RAD54B: variants seen among roughly 807,000 people sequenced by gnomAD.
RAD54B encodes RAD54 homolog B.
In RAD54B, 78 loss-of-function variants were observed where a neutral mutation model predicts 95.8. The observed-to-expected ratio is 0.81, with a 90% CI of 0.68 to 0.98. RAD54B has a LOEUF of 0.98. RAD54B is among the 50% of genes least tolerant of loss of function. The pLI is 0.00. For synonymous variants in RAD54B, 328 were observed against 354.9 expected (o/e 0.92, Z 0.85); for missense variants, 957 against 1,056.6 (o/e 0.91, Z 1.31).
chr8:94,415,155 G>C (rs930177317), intron 3 of RAD54B, among the ~76,000 whole-genome samples: 2 of 151,726 alleles, frequency 1.3e-5, no homozygotes, highest in African/African-American at 4.9e-5. Flanking sequence ...CATGGTACTG[G>C]TACCAAAACA....
At chr8:94,418,746 TC>T (rs796357596) in intron 3 of RAD54B, among the ~76,000 whole-genome samples, 3 of 152,342 alleles carry the variant, frequency 2.0e-5, no homozygotes, top group African/African-American at 7.2e-5. Flanking sequence ...TTTCTCCCAT[TC>T]AGCATAATGT....
At chr8:94,446,441 A>C (rs1586029719) in intron 3 of RAD54B, among the ~76,000 whole-genome samples, 1 of 152,194 alleles carries the variant, frequency 6.6e-6, no homozygotes, top group South Asian at 2.1e-4. Context: ...AGGCAAGAAA[A>C]TATATAAAGC....
chr8:94,391,540 T>C lies in RAD54B; in HGVS notation c.1809+69A>G, dbSNP rs1312012324. ...TGCAACCTCAGAAATTAGCCCTGTC[T>C]GCCCTCTTAGATTCATATACTATAG... On this transcript the variant is annotated intron_variant, in intron 10 of 14. Coordinates refer to ENST00000336148, the MANE Select transcript of RAD54B (RefSeq NM_012415.3). 2.0e-6 allele frequency: 3 copies of C among 1,467,272 alleles called. No individual in the cohort carries two copies. The East Asian group carries it at 6.9e-5, about 34-fold the overall frequency. 90.9% of individuals were successfully genotyped at this position (1,467,272 alleles called of 1,614,324 possible).
At chr8:94,460,193 A>C (rs1050854540) in intron 2 of RAD54B, among the ~76,000 whole-genome samples, 1 of 137,188 alleles carries the variant, frequency 7.3e-6, no homozygotes, top group Non-Finnish European at 1.6e-5. Flanking sequence ...AGTCATGGCC[A>C]GGCATGGTGG....
intron 2 of RAD54B, among the ~76,000 whole-genome samples, chr8:94,463,679 A>T (rs145039759): frequency 5.3e-5 from 8 of 151,410 alleles, no homozygotes; most frequent in African/African-American, 1.9e-4. Flanking sequence ...GGACTTAGAG[A>T]CCAGCCTGGG....
At chr8:94,429,258 T>C (rs552369158) in intron 3 of RAD54B, 1 of 496,826 alleles carries the variant, frequency 2.0e-6, no homozygotes, top group African/African-American at 2.1e-5. Flanking sequence ...AAAATATGAT[T>C]GTAGCAGACT....
intron 2 of RAD54B, among the ~76,000 whole-genome samples, chr8:94,464,825 T>C (rs2381886): frequency 0.31 from 47,500 of 151,844 alleles, 7,898 homozygotes; most frequent in East Asian, 0.43. Context: ...CTGTTTCTGA[T>C]GAGAGCCTCC....
intron 3 of RAD54B, among the ~76,000 whole-genome samples, chr8:94,442,114 T>C (rs546170376): frequency 6.6e-5 from 10 of 152,264 alleles, no homozygotes; most frequent in Middle Eastern, 3.4e-3. Context: ...TGGAAGTCAT[T>C]ATATTAAGTG....
Position 94,380,564 on chromosome 8 carries a change from T to C in RAD54B, c.1986-158A>G, listed in dbSNP as rs573216310. Among the ~76,000 whole-genome samples, 4 of 152,360 alleles carry C rather than the reference T, an allele frequency of 2.6e-5. No homozygotes were observed. The East Asian group carries it at 7.7e-4, about 29-fold the overall frequency. On this transcript the variant is annotated intron_variant, in intron 11 of 14. Transcript: ENST00000336148. ...AACATAGGTATTCCTGCATATTCCA[T>C]TTTAAAGTCAATATCTAAACTTCCA... is the stretch of plus-strand genomic sequence containing the variant.
At chr8:94,436,406 T>C (rs1812262614) in intron 3 of RAD54B, 1 of 1,398,172 alleles carries the variant, frequency 7.2e-7, no homozygotes, top group Non-Finnish European at 9.4e-7. Context: ...GTGGGGATGC[T>C]TACTATGCAT....
intron 9 of RAD54B, among the ~76,000 whole-genome samples, chr8:94,392,659 G>C (rs1465762008): frequency 6.7e-6 from 1 of 150,238 alleles, no homozygotes; most frequent in Non-Finnish European, 1.5e-5. Flanking sequence ...GTGCAGTGAT[G>C]TGATCTCAGC....
intron 10 of RAD54B, among the ~76,000 whole-genome samples, chr8:94,388,737 A>G (rs1810949009): frequency 1.3e-5 from 2 of 152,226 alleles, no homozygotes; most frequent in African/African-American, 2.4e-5. Flanking sequence ...AGGTGTAGTC[A>G]TTTGATTAAA....
chr8:94,432,397 T>G, intron 3 of RAD54B: 2 of 1,550,402 alleles, frequency 1.3e-6, no homozygotes, highest in Non-Finnish European at 1.7e-6. Context: ...TCATCTCTCC[T>G]TGGAATAGAA....
chr8:94,422,115 T>G (rs1248776513), intron 3 of RAD54B, among the ~76,000 whole-genome samples: 1 of 152,140 alleles, frequency 6.6e-6, no homozygotes, highest in East Asian at 1.9e-4. Flanking sequence ...CAACATTATC[T>G]CAATAATTAG....
intron 11 of RAD54B, among the ~76,000 whole-genome samples, chr8:94,383,990 A>C (rs1810806808): frequency 6.6e-6 from 1 of 152,200 alleles, no homozygotes; most frequent in Admixed American, 6.5e-5. Flanking sequence ...TTAAAAATAG[A>C]ATTACCATAT....
chr8:94,459,627 A>C (rs896637648), intron 2 of RAD54B, among the ~76,000 whole-genome samples: 1 of 151,428 alleles, frequency 6.6e-6, no homozygotes, highest in Non-Finnish European at 1.5e-5. Context: ...TGGGAGGCCA[A>C]GGCAGGTGGA....
chr8:94,393,729 A>G lies in RAD54B; in HGVS notation c.1518+14T>C. The G allele has an allele frequency of 6.5e-7, 1 of 1,543,104 alleles. No individual in the cohort carries two copies. Among genetic ancestry groups the G allele is most frequent in the African/African-American group, 1.4e-5 (1 of 72,156 alleles). On this transcript the variant is annotated intron_variant, in intron 9 of 14. Transcript: ENST00000336148. The stretch of plus-strand genomic sequence containing the variant: ...ACGGCTTTTTAAAAACCTATTTATT[A>G]GAGTAAATTATACCTCAGAAGCAGA...
chr8:94,373,992 T>C (rs866846085), intron 14 of RAD54B, among the ~76,000 whole-genome samples: 11 of 152,086 alleles, frequency 7.2e-5, no homozygotes, highest in African/African-American at 2.4e-4. Flanking sequence ...AGAAAAGAGA[T>C]GACAAGGCCG....
At chr8:94,374,266 A>C (rs948923657) in intron 14 of RAD54B, among the ~76,000 whole-genome samples, 1 of 151,370 alleles carries the variant, frequency 6.6e-6, no homozygotes, top group Admixed American at 6.6e-5. Flanking sequence ...GTGACAGAGC[A>C]AGACTCCGTC....
Sources: allele counts gnomAD v4.1 joint callset (sites outside exome capture counted in the v4.1 genomes callset), GRCh38; gene constraint gnomAD v4.1.1; transcripts MANE v1.5; gene names NCBI Gene and HGNC (gene_info 2026-07-23, HGNC 2026-07-21).